PDE1C: variants seen among roughly 807,000 people sequenced by gnomAD.
PDE1C encodes dual specificity calcium/calmodulin-dependent 3',5'-cyclic nucleotide phosphodiesterase 1C.
In PDE1C, 62 loss-of-function variants were observed where a neutral mutation model predicts 93.1. That is an observed-to-expected ratio of 0.67 (90% confidence interval 0.54 to 0.82). The LOEUF is 0.82. Among genes scored for constraint, PDE1C ranks in the 40% least tolerant of loss-of-function variants. PDE1C has a pLI of 0.00. For synonymous variants in PDE1C, 325 were observed against 310.1 expected (o/e 1.05, Z -0.50); for missense variants, 742 against 884.6 (o/e 0.84, Z 2.04).
rs189200121 is a variant in PDE1C at position 32,383,723 on chromosome 7, C to G, written c.310+44099G>C. On this transcript the variant is annotated intron_variant, in intron 1 of 1. Coordinates refer to the PDE1C transcript ENST00000672256. ...TGGATGGATGGATGGACTGATTCAC[C>G]CATTCATTCAGTCAGGACAGAAATG... Among the ~76,000 whole-genome samples the G allele has an allele frequency of 4.2e-3, 643 of 152,142 alleles. 6 individuals carry two copies. The highest frequency in any genetic ancestry group is 0.014 in the African/African-American group (596 of 41,536).
chr7:32,070,783 G>A (rs1795963579), upstream of PDE1C: 1 of 1,007,630 alleles, frequency 9.9e-7, no homozygotes, highest in Non-Finnish European at 1.2e-6. Context: ...AAAGGGTTTG[G>A]AGGTGAAAAG....
chr7:32,238,605 A>G (rs1444369169), intron 1 of PDE1C, among the ~76,000 whole-genome samples: 1 of 152,248 alleles, frequency 6.6e-6, no homozygotes, highest in Non-Finnish European at 1.5e-5. Context: ...CAATCTTGAA[A>G]AACAGAGGTG....
intron 2 of PDE1C, among the ~76,000 whole-genome samples, chr7:31,944,002 T>A (rs1450858662): frequency 3.3e-5 from 5 of 152,180 alleles, no homozygotes; most frequent in African/African-American, 1.2e-4. Context: ...CCAGTCTAAC[T>A]GTAGGCAAGC....
At chr7:32,169,192 G>C (rs1319606411) in intron 3 of PDE1C, among the ~76,000 whole-genome samples, 1 of 152,108 alleles carries the variant, frequency 6.6e-6, no homozygotes, top group Admixed American at 6.6e-5. Context: ...ATTTAATATG[G>C]GTGAGAAGGC....
At chr7:32,281,832 A>C (rs993931779) in intron 1 of PDE1C, among the ~76,000 whole-genome samples, 19 of 152,242 alleles carry the variant, frequency 1.2e-4, no homozygotes, top group Admixed American at 3.3e-4. Context: ...ACCATGGAAT[A>C]CTATGCAGCC....
chr7:31,843,835 T>C (rs987741981), intron 9 of PDE1C, among the ~76,000 whole-genome samples: 1 of 151,852 alleles, frequency 6.6e-6, no homozygotes, highest in Admixed American at 6.6e-5. Context: ...TACTGCTAAA[T>C]GGTCAATTTA....
At chr7:32,251,461 T>C (rs923061405) in intron 1 of PDE1C, among the ~76,000 whole-genome samples, 1 of 152,126 alleles carries the variant, frequency 6.6e-6, no homozygotes, top group Non-Finnish European at 1.5e-5. Context: ...TCAATTCCAT[T>C]ACCAAGTCCT....
intron 3 of PDE1C, among the ~76,000 whole-genome samples, chr7:32,081,447 T>C (rs1796656174): frequency 6.6e-6 from 1 of 152,190 alleles, no homozygotes; most frequent in African/African-American, 2.4e-5. Context: ...TCATATAACA[T>C]AGCAGAAGTA....
rs1339508425 is a variant in PDE1C, at chr7:32,186,093, T to G, written c.137-16137A>C. On this transcript the variant is annotated intron_variant, in intron 2 of 18. Transcript: ENST00000396193. ...TTCCCTAATTTGTTTTTTTGTTTTT[T>G]TTTTTTTTTTTTTTTTTTTTGAGAC... Among the ~76,000 whole-genome samples the G allele has an allele frequency of 1.0e-3, 32 of 31,652 alleles. 1 individual carries two copies. The highest frequency in any genetic ancestry group is 2.3e-3 in the South Asian group (2 of 888). 20.8% of individuals were successfully genotyped at this position (31,652 alleles called of 152,430 possible).
Position 31,895,776 on chromosome 7 carries a change from C to A in PDE1C, c.129-14916G>T, listed in dbSNP as rs777613513. Among the ~76,000 whole-genome samples the A allele has an allele frequency of 6.6e-5, 10 of 152,162 alleles. 1 individual carries two copies. Among genetic ancestry groups the A allele is most frequent in the Middle Eastern group, 6.8e-3 (2 of 294 alleles). Reference sequence around the variant, plus strand: ...TGACAGTGAATAAGTCTCATGAACACCGATGATTTTATAAAGAGCAGTTCC... The same window carrying A: ...TGACAGTGAATAAGTCTCATGAACAACGATGATTTTATAAAGAGCAGTTCC... On this transcript the variant is annotated intron_variant, in intron 2 of 17. Transcript: ENST00000396191.
chr7:32,350,572 ATATATATATATATATATATTTTT>A (rs1226190517), intron 1 of PDE1C, among the ~76,000 whole-genome samples: 1 of 3,254 alleles, frequency 3.1e-4, no homozygotes, highest in African/African-American at 3.5e-4. Flanking sequence ...ATATATATAT[ATATATATATATATATATATTTTT>A]TTTTTTTTTT....
intron 11 of PDE1C, among the ~76,000 whole-genome samples, chr7:31,836,758 TG>T (rs1377669242): frequency 6.6e-5 from 10 of 152,184 alleles, no homozygotes; most frequent in Non-Finnish European, 1.5e-4. Flanking sequence ...TTTGGAATTT[TG>T]CGTCTTGGAC....
chr7:31,640,389 T>G, the PDE1C span, among the ~76,000 whole-genome samples: 3 of 152,136 alleles, frequency 2.0e-5, no homozygotes, highest in Admixed American at 2.0e-4. Flanking sequence ...CCTCTAGAGT[T>G]CTCTCTGTGT....
At chr7:32,065,460 C>T (rs777583097) in intron 1 of PDE1C, among the ~76,000 whole-genome samples, 10 of 152,148 alleles carry the variant, frequency 6.6e-5, no homozygotes, top group South Asian at 2.1e-4. Flanking sequence ...CTTCTCTGGC[C>T]CTCCCAGGTA....
At chr7:32,373,895 G>A (rs1562695539) in intron 1 of PDE1C, among the ~76,000 whole-genome samples, 1 of 152,124 alleles carries the variant, frequency 6.6e-6, no homozygotes, top group Non-Finnish European at 1.5e-5. Context: ...AGTGAGGCAG[G>A]AGAATCACTT....
chr7:31,683,675 C>G, the PDE1C span, among the ~76,000 whole-genome samples: 4 of 152,300 alleles, frequency 2.6e-5, no homozygotes, highest in Non-Finnish European at 5.9e-5. Context: ...CTTCCTCTCT[C>G]TTTCCCCCTC....
chr7:32,005,421 TGGTGGGTG>T (rs1329831470), intron 2 of PDE1C, among the ~76,000 whole-genome samples: 1 of 151,446 alleles, frequency 6.6e-6, no homozygotes, highest in Non-Finnish European at 1.5e-5. Context: ...CTGGGTGTTG[TGGTGGGTG>T]CCTGTAGTCC....
At chr7:32,270,163 T>C (rs1402188321) in intron 1 of PDE1C, among the ~76,000 whole-genome samples, 1 of 152,106 alleles carries the variant, frequency 6.6e-6, no homozygotes, top group East Asian at 1.9e-4. Context: ...CATGCAAGTG[T>C]TTGCTTTGTA....
At chr7:32,354,003 C>A (rs1181200041) in intron 1 of PDE1C, among the ~76,000 whole-genome samples, 3 of 152,138 alleles carry the variant, frequency 2.0e-5, no homozygotes, top group Non-Finnish European at 4.4e-5. Context: ...GAGCAACAGA[C>A]AACAACAGGA....
Sources: allele counts gnomAD v4.1 joint callset (sites outside exome capture counted in the v4.1 genomes callset), GRCh38; gene constraint gnomAD v4.1.1; transcripts MANE v1.5; gene names NCBI Gene and HGNC (gene_info 2026-07-23, HGNC 2026-07-21).